CRISP2: variants seen among roughly 807,000 people sequenced by gnomAD.
The protein encoded by CRISP2 is cysteine rich secretory protein 2.
In CRISP2, 29 loss-of-function variants were observed where a neutral mutation model predicts 31.7. That is an observed-to-expected ratio of 0.92 (90% CI 0.68 to 1.25). The LOEUF (loss-of-function observed/expected upper bound fraction) is 1.25. Ranked by LOEUF, CRISP2 falls within the 50% of genes most tolerant of loss-of-function variation. The pLI is 0.00. For synonymous variants in CRISP2, 111 were observed against 101.4 expected (o/e 1.09, Z -0.57); for missense variants, 318 against 286.5 (o/e 1.11, Z -0.79).
intron 8 of CRISP2, 188 bp downstream of exon 8, chr6:49,697,672 A>C: frequency 6.7e-7 from 1 of 1,484,412 alleles, no homozygotes; most frequent in Non-Finnish European, 9.0e-7. Flanking sequence ...TTCAGTTTTT[A>C]TACCTGAAAG....
rs1434332849 is a variant in CRISP2 at position 49,698,527 on chromosome 6, T to C, written c.272-20A>G. The C allele has an allele frequency of 1.9e-6, 3 of 1,586,920 alleles. No individual in the cohort carries two copies. Among genetic ancestry groups the C allele is most frequent in the East Asian group, 2.2e-5 (1 of 44,608 alleles). ...TTGTACCTAAGGGGCAGATCATTCA[T>C]GAGCAAGGTAATAAACATGCAATGG... On this transcript the variant is annotated intron_variant, in intron 6 of 9. Coordinates refer to ENST00000339139, the MANE Select transcript of CRISP2 (RefSeq NM_003296.4).
chr6:49,683,695 ATATATATATATAT>A, the CRISP2 span, among the ~76,000 whole-genome samples: 1 of 10,346 alleles, frequency 9.7e-5, no homozygotes, highest in Non-Finnish European at 2.8e-4. Flanking sequence ...AAAAAAAAAA[ATATATATATATAT>A]ATATATATAT....
Position 49,701,531 on chromosome 6 carries a change from C to T in CRISP2, c.67-747G>A, listed in dbSNP as rs867446452. The stretch of plus-strand genomic sequence containing the variant: ...ATATATATATATATATATATACACA[C>T]ACACACACACACAGTATATATATAT... On this transcript the variant is annotated intron_variant, in intron 4 of 9. Transcript: ENST00000339139. Among the ~76,000 whole-genome samples the T allele has an allele frequency of 2.5e-4, 32 of 129,158 alleles. 1 individual carries two copies. The highest frequency in any genetic ancestry group is 9.4e-4 in the African/African-American group (30 of 32,012). 84.7% of individuals were successfully genotyped at this position (129,158 alleles called of 152,430 possible).
Position 49,709,160 on chromosome 6 carries a change from G to T in CRISP2, c.37C>A (p.Leu13Met), listed in dbSNP as rs375015830. The T allele has an allele frequency of 8.4e-5, 135 of 1,613,612 alleles. No homozygotes were observed. The highest frequency in any genetic ancestry group is 1.1e-4 in the Non-Finnish European group (128 of 1,179,898). Residue 13 changes from leucine to methionine, a missense_variant, in exon 4 of 10, where the codon CTG becomes ATG. Transcript: ENST00000339139. ...CCTTCTGCAGGTAAAGATGGAAGCA[G>T]CACAGTAACCAGAAACAACACCGGT... ...LLPVLFLVTV[L>M]LPSLPAEGKD...
chr6:49,687,411 A>C (rs1163804969), downstream of CRISP2, among the ~76,000 whole-genome samples: 1 of 152,174 alleles, frequency 6.6e-6, no homozygotes. Flanking sequence ...TTCTTACATC[A>C]CTTTCTGCCA....
At chr6:49,696,917 A>T (rs1019815460) in intron 8 of CRISP2, among the ~76,000 whole-genome samples, 1 of 152,090 alleles carries the variant, frequency 6.6e-6, no homozygotes, top group African/African-American at 2.4e-5. Flanking sequence ...GTCACTTCTG[A>T]CACCTGGCTG....
At chr6:49,699,337 G>A (rs536635202) in intron 6 of CRISP2, among the ~76,000 whole-genome samples, 76 of 151,804 alleles carry the variant, frequency 5.0e-4, no homozygotes, top group Non-Finnish European at 9.9e-4. Context: ...GCAAAACTTA[G>A]GAATAATTCA....
chr6:49,704,416 T>C (rs931573959), intron 4 of CRISP2, among the ~76,000 whole-genome samples: 1 of 152,168 alleles, frequency 6.6e-6, no homozygotes, highest in Non-Finnish European at 1.5e-5. Flanking sequence ...CTTTTGGGGA[T>C]GTTATAGAAC....
intron 9 of CRISP2, among the ~76,000 whole-genome samples, chr6:49,695,512 G>T (rs1226457448): frequency 6.6e-6 from 1 of 152,018 alleles, no homozygotes; most frequent in East Asian, 1.9e-4. Flanking sequence ...ACCACTTTTG[G>T]TATAGTGATA....
At chr6:49,691,608 G>A (rs568886191), downstream of CRISP2, among the ~76,000 whole-genome samples, 25 of 151,652 alleles carry the variant, frequency 1.6e-4, no homozygotes, top group Admixed American at 7.2e-4. Context: ...TATTTTTTCC[G>A]TTGAAATGTC....
At chr6:49,695,629 T>C (rs1471912336) in intron 9 of CRISP2, among the ~76,000 whole-genome samples, 2 of 152,230 alleles carry the variant, frequency 1.3e-5, no homozygotes, top group Non-Finnish European at 2.9e-5. Flanking sequence ...TTATGTTACA[T>C]ACGGCAATAT....
At chr6:49,711,375 T>A (rs1185530357) in intron 2 of CRISP2, 54 bp from the exon 3 acceptor site, 1 of 152,210 alleles carries the variant, frequency 6.6e-6, no homozygotes, top group Non-Finnish European at 1.5e-5. Flanking sequence ...TTACACATAT[T>A]CCTGTTTTGT....
intron 3 of CRISP2, 95 bp from the exon 4 acceptor site, chr6:49,709,300 A>C: frequency 9.7e-7 from 1 of 1,029,362 alleles, no homozygotes; most frequent in East Asian, 2.5e-5. Context: ...ATTATCTCAA[A>C]GGAACTGTGA....
At chr6:49,689,892 G>T (rs949758120), downstream of CRISP2, among the ~76,000 whole-genome samples, 21 of 151,954 alleles carry the variant, frequency 1.4e-4, no homozygotes, top group Non-Finnish European at 2.6e-4. Flanking sequence ...CAAGTTAGAG[G>T]ACAGTGGGAG....
chr6:49,682,161 G>A, the CRISP2 span, among the ~76,000 whole-genome samples: 1 of 151,954 alleles, frequency 6.6e-6, no homozygotes, highest in East Asian at 1.9e-4. Flanking sequence ...GACACTTTTG[G>A]TGGACCTTTG....
chr6:49,713,661 C>T (rs947892889), upstream of CRISP2: 6 of 152,228 alleles, frequency 3.9e-5, no homozygotes, highest in Non-Finnish European at 7.3e-5. Flanking sequence ...CTCCCATCGC[C>T]CCCGCCTCCC....
chr6:49,683,663 C>A, the CRISP2 span, among the ~76,000 whole-genome samples: 7 of 18,514 alleles, frequency 3.8e-4, no homozygotes, highest in Non-Finnish European at 6.2e-4. Flanking sequence ...GACTCCATTT[C>A]AAAAAAAAAA....
chr6:49,679,466 G>A, the CRISP2 span, among the ~76,000 whole-genome samples: 1 of 152,100 alleles, frequency 6.6e-6, no homozygotes, highest in Non-Finnish European at 1.5e-5. Context: ...CTTAAAATGA[G>A]AGCAAAGGGA....
chr6:49,701,936 A>T (rs867797802), intron 4 of CRISP2, among the ~76,000 whole-genome samples: 2 of 1,164 alleles, frequency 1.7e-3, no homozygotes, highest in Non-Finnish European at 2.8e-3. Flanking sequence ...TATAATATAT[A>T]ATATATGTAA....
Sources: allele counts gnomAD v4.1 joint callset (sites outside exome capture counted in the v4.1 genomes callset), GRCh38; gene constraint gnomAD v4.1.1; transcripts MANE v1.5; gene names NCBI Gene and HGNC (gene_info 2026-07-23, HGNC 2026-07-21).